PITPNB: variants seen among roughly 807,000 people sequenced by gnomAD.
PITPNB encodes phosphatidylinositol transfer protein beta, also known as phosphatidylinositol transfer protein beta isoform.
Under a neutral mutation model 45.9 loss-of-function variants are expected in PITPNB, and 16 were observed. That is an observed-to-expected ratio of 0.35 (90% CI 0.24 to 0.53). The LOEUF (loss-of-function observed/expected upper bound fraction) is 0.53. Among genes scored for constraint, PITPNB ranks in the 20% least tolerant of loss-of-function variants. The pLI is 0.93. For missense variants in PITPNB, 188 were observed against 330.5 expected (o/e 0.57, Z 3.34); for synonymous variants, 112 against 108.9 (o/e 1.03, Z -0.18).
intron 7 of PITPNB, among the ~76,000 whole-genome samples, chr22:27,890,056 T>A (rs1433656437): frequency 6.6e-6 from 1 of 151,856 alleles, no homozygotes; most frequent in East Asian, 1.9e-4. Flanking sequence ...AGGGTTAGAG[T>A]GTAGGGGCAG....
At chr22:27,913,082 G>A (rs1935979407) in intron 2 of PITPNB, among the ~76,000 whole-genome samples, 1 of 150,778 alleles carries the variant, frequency 6.6e-6, no homozygotes, top group Non-Finnish European at 1.5e-5. Flanking sequence ...ATTTCGACAA[G>A]CTGATTCAAC....
At chr22:27,914,407 T>C in intron 1 of PITPNB, 60 bp from the exon 2 acceptor site, 1 of 1,002,642 alleles carries the variant, frequency 1.0e-6, no homozygotes, top group East Asian at 2.6e-5. Context: ...AACACAGATC[T>C]CTGAAGAGGT....
chr22:27,873,432 G>C (rs1475727558), intron 8 of PITPNB, among the ~76,000 whole-genome samples: 1 of 152,122 alleles, frequency 6.6e-6, no homozygotes, highest in Non-Finnish European at 1.5e-5. Context: ...CATTTAAAAT[G>C]GATTTTTATA....
Position 27,919,246 on chromosome 22 carries a change from C to A in PITPNB, c.-55G>T. On this transcript the variant is annotated 5_prime_UTR_variant, in exon 1 of 12. Transcript: ENST00000335272. ...GATACCACCGCCGCCGCCGCCGCTA[C>A]CGCCTCTCACAGCGCCTGCGCGGCC... is the stretch of plus-strand genomic sequence containing the variant. 1 of 1,504,774 alleles carries A rather than the reference C, an allele frequency of 6.6e-7. No individual in the cohort carries two copies. Among genetic ancestry groups the A allele is most frequent in the South Asian group, 1.1e-5 (1 of 89,032 alleles). The allele number at this position is 1,504,774 out of a possible 1,614,324, so 93.2% of individuals were successfully genotyped here.
chr22:27,908,386 A>G (rs1935825665), intron 3 of PITPNB, among the ~76,000 whole-genome samples: 1 of 149,964 alleles, frequency 6.7e-6, no homozygotes. Flanking sequence ...TATGTATTAC[A>G]CATTATTTCA....
intron 9 of PITPNB, among the ~76,000 whole-genome samples, chr22:27,859,413 G>C (rs981160300): frequency 1.1e-4 from 16 of 151,554 alleles, no homozygotes; most frequent in Non-Finnish European, 1.9e-4. Flanking sequence ...GTGGAGATCT[G>C]AGATATAATG....
Position 27,897,853 on chromosome 22 carries a change from GC to G in PITPNB, c.236del (p.Gly79AlafsTer20), listed in dbSNP as rs748294390. The G allele has an allele frequency of 6.2e-7, 1 of 1,613,930 alleles. No individual in the cohort carries two copies. Among genetic ancestry groups the G allele is most frequent in the South Asian group, 1.1e-5 (1 of 91,078 alleles). ...PAFVRMIAPE[G>X]SLVFHEKAWN... ...AGGCTTTCTCATGAAACACCAAGGA[GC>G]CCTCGGGAGCAATCATCCTCACGAA... On this transcript the variant is annotated frameshift_variant, in exon 4 of 12. Transcript: ENST00000335272. LOFTEE classifies it high-confidence loss of function.
chr22:27,903,972 T>C (rs143124723), intron 3 of PITPNB, among the ~76,000 whole-genome samples: 390 of 151,920 alleles, frequency 2.6e-3, no homozygotes, highest in African/African-American at 8.2e-3. Flanking sequence ...ATGCTTGTAA[T>C]AAAAAAGATA....
chr22:27,854,853 CA>C lies in PITPNB; in HGVS notation c.*38del. 1 of 1,599,176 alleles carries C rather than the reference CA, an allele frequency of 6.3e-7. No individual in the cohort carries two copies. Among genetic ancestry groups the C allele is most frequent in the Non-Finnish European group, 8.6e-7 (1 of 1,167,438 alleles). ...ATCTTTTTACCCAGGTCTTCACTTACACAGTTTGACATTGTCTCTGACCCTA... is the reference window on the plus strand; with the variant it reads ...ATCTTTTTACCCAGGTCTTCACTTACCAGTTTGACATTGTCTCTGACCCTA... On this transcript the variant is annotated splice_region_variant and 3_prime_UTR_variant, in exon 11 of 12. Transcript: ENST00000335272.
intron 2 of PITPNB, 55 bp from the exon 3 acceptor site, chr22:27,911,164 T>C: frequency 1.5e-6 from 2 of 1,293,606 alleles, no homozygotes; most frequent in Non-Finnish European, 1.1e-6. Flanking sequence ...TGCAGAAATT[T>C]AGTATGCTAA....
intron 8 of PITPNB, among the ~76,000 whole-genome samples, chr22:27,867,719 G>T (rs1934525906): frequency 6.6e-6 from 1 of 152,194 alleles, no homozygotes; most frequent in Non-Finnish European, 1.5e-5. Flanking sequence ...GTGTCTGGAA[G>T]AATCTGCAAG....
chr22:27,870,505 G>A (rs910708463), intron 8 of PITPNB, among the ~76,000 whole-genome samples: 16 of 152,192 alleles, frequency 1.1e-4, no homozygotes, highest in Admixed American at 1.0e-3. Flanking sequence ...GGCCTTTTGA[G>A]AGAGAGACTG....
chr22:27,894,242 T>C (rs1210551942), intron 7 of PITPNB: 3 of 203,918 alleles, frequency 1.5e-5, no homozygotes, highest in African/African-American at 4.6e-5. Flanking sequence ...GGAGGGAGAA[T>C]TATTTTGTAA....
chr22:27,890,890 C>T (rs1433066209), intron 7 of PITPNB, among the ~76,000 whole-genome samples: 1 of 152,108 alleles, frequency 6.6e-6, no homozygotes, highest in Non-Finnish European at 1.5e-5. Context: ...TATTATTCAG[C>T]CATAGAAAGG....
intron 10 of PITPNB, 37 bp downstream of exon 10, chr22:27,858,350 G>GA (rs1232994587): frequency 2.7e-5 from 42 of 1,548,472 alleles, no homozygotes; most frequent in Admixed American, 7.9e-5. Context: ...TTAGAAAAGG[G>GA]AAAATTAGAG....
chr22:27,878,754 C>T (rs1016652997), intron 7 of PITPNB, among the ~76,000 whole-genome samples: 4 of 152,176 alleles, frequency 2.6e-5, no homozygotes, highest in African/African-American at 9.7e-5. Context: ...AATTCAGAAG[C>T]ATTCATTTGC....
At chr22:27,905,091 TG>T (rs1935717847) in intron 3 of PITPNB, among the ~76,000 whole-genome samples, 2 of 152,244 alleles carry the variant, frequency 1.3e-5, no homozygotes, top group Non-Finnish European at 2.9e-5. Flanking sequence ...CATGTGTCTA[TG>T]ATGGCTAATT....
At chr22:27,857,493 T>G (rs2146345571) in intron 10 of PITPNB, among the ~76,000 whole-genome samples, 1 of 152,332 alleles carries the variant, frequency 6.6e-6, no homozygotes, top group South Asian at 2.1e-4. Flanking sequence ...GAATCTGATT[T>G]GCTGCCATTC....
chr22:27,888,138 C>T (rs1008725000), intron 7 of PITPNB, among the ~76,000 whole-genome samples: 1 of 152,194 alleles, frequency 6.6e-6, no homozygotes, highest in African/African-American at 2.4e-5. Context: ...ATACATACTT[C>T]TTTGTCTTTC....
Sources: gnomAD v4.1 joint callset for allele counts (sites outside exome capture counted in the v4.1 genomes callset) on GRCh38, gnomAD v4.1.1 for gene constraint, MANE v1.5 for transcripts, NCBI Gene and HGNC (gene_info 2026-07-23, HGNC 2026-07-21) for gene names.